Variants in OLA1 observed in about 807,000 individuals in gnomAD.
The protein encoded by OLA1 is obg-like ATPase 1.
OLA1 carries 14 observed loss-of-function variants against 48.4 expected under a neutral mutation model. The ratio of observed to expected loss-of-function variants is 0.29; its 90% confidence interval spans 0.19 to 0.45. The LOEUF (loss-of-function observed/expected upper bound fraction) is 0.45, where lower values mean the gene tolerates loss of function less well. OLA1 is among the 20% of genes least tolerant of loss of function. OLA1 has a pLI of 1.00. For missense variants in OLA1, 325 were observed against 467.1 expected (o/e 0.70, Z 2.80); for synonymous variants, 127 against 150.4 (o/e 0.84, Z 1.14).
At chr2:174,240,046 G>A (rs1688958682) in intron 2 of OLA1, 2 of 152,100 alleles carry the variant, frequency 1.3e-5, no homozygotes, top group African/African-American at 2.4e-5. Flanking sequence ...ACACTTAGGG[G>A]ATCCAAGCAG....
chr2:174,225,402 T>C (rs1487138727), intron 3 of OLA1, among the ~76,000 whole-genome samples: 3 of 151,910 alleles, frequency 2.0e-5, no homozygotes, highest in Admixed American at 1.3e-4. Context: ...AATACAAAAT[T>C]AGAAGGGTGT....
At chr2:174,118,187 G>C (rs907503455) in intron 7 of OLA1, among the ~76,000 whole-genome samples, 11 of 152,114 alleles carry the variant, frequency 7.2e-5, no homozygotes, top group Non-Finnish European at 2.9e-5. Context: ...CGGTCCAATC[G>C]TCTCATACCA....
At chr2:174,229,495 C>A (rs763106758) in intron 2 of OLA1, 44 bp from the exon 3 acceptor site, 3 of 1,473,476 alleles carry the variant, frequency 2.0e-6, no homozygotes, top group Middle Eastern at 1.8e-4. Context: ...TAGGTTAACA[C>A]CAAGAAAAAT....
chr2:174,244,207 G>C (rs1689075363), intron 2 of OLA1, among the ~76,000 whole-genome samples: 1 of 152,130 alleles, frequency 6.6e-6, no homozygotes, highest in Admixed American at 6.5e-5. Flanking sequence ...AATCCTACCT[G>C]ATACAGTTGT....
intron 4 of OLA1, among the ~76,000 whole-genome samples, chr2:174,149,755 G>C (rs1686701788): frequency 6.6e-6 from 1 of 152,060 alleles, no homozygotes; most frequent in South Asian, 2.1e-4. Flanking sequence ...GATTATAAAT[G>C]GACTGAAGAT....
At chr2:174,167,586 T>C (rs1413106132) in intron 4 of OLA1, among the ~76,000 whole-genome samples, 9 of 152,126 alleles carry the variant, frequency 5.9e-5, no homozygotes, top group Admixed American at 6.6e-5. Context: ...AAAATATACA[T>C]ATATAATCCT....
In OLA1 at chr2:174,074,020, G is replaced by A. The variant is rs1164184302; in HGVS notation, c.*1406C>T. 2.0e-5 allele frequency: 3 copies of A among 152,098 alleles called. No homozygotes were observed. The highest frequency in any genetic ancestry group is 4.4e-5 in the Non-Finnish European group (3 of 68,018). 9.4% of individuals were successfully genotyped at this position (152,098 alleles called of 1,614,324 possible). A position where few individuals can be genotyped will look rare whatever the true frequency, so the allele number is the denominator to read the frequency against. On this transcript the variant is annotated 3_prime_UTR_variant, in exon 11 of 11. Transcript: ENST00000284719. ...TGGAGAGCTTCTAAATTATACTCAC[G>A]ACTCAACCTCATCCTCTTTAAATAT...
chr2:174,247,078 G>A (rs1019152915), intron 1 of OLA1: 8 of 234,042 alleles, frequency 3.4e-5, no homozygotes, highest in African/African-American at 4.5e-5. Context: ...TTGTTGGGCC[G>A]GGCACGGTGG....
chr2:174,132,123 A>G (rs1686196938), intron 5 of OLA1, among the ~76,000 whole-genome samples: 1 of 151,864 alleles, frequency 6.6e-6, no homozygotes, highest in Non-Finnish European at 1.5e-5. Flanking sequence ...CATCTCATAT[A>G]TTTTTCAAAT....
intron 1 of OLA1, chr2:174,247,985 A>G: frequency 1.8e-6 from 1 of 545,422 alleles, no homozygotes; most frequent in Non-Finnish European, 3.2e-6. Flanking sequence ...TCCTAGGACC[A>G]CGCTGGGGCC....
chr2:174,138,525 G>C (rs955486330), intron 5 of OLA1, among the ~76,000 whole-genome samples: 11 of 152,170 alleles, frequency 7.2e-5, no homozygotes, highest in Admixed American at 7.2e-4. Flanking sequence ...TTGAAACCTT[G>C]TAAGAATTAC....
intron 10 of OLA1, 28 bp from the exon 11 acceptor site, chr2:174,075,555 G>A (rs1000736170): frequency 6.4e-6 from 9 of 1,400,628 alleles, no homozygotes; most frequent in Non-Finnish European, 9.1e-6. Context: ...AGAGGAAATG[G>A]GTTATTAGTT....
intron 4 of OLA1, among the ~76,000 whole-genome samples, chr2:174,218,447 A>C (rs1444175757): frequency 6.6e-6 from 1 of 152,186 alleles, no homozygotes; most frequent in African/African-American, 2.4e-5. Flanking sequence ...TATGTTTATT[A>C]AGTGTCAAAA....
chr2:174,129,642 G>A (rs1452241060), intron 5 of OLA1, among the ~76,000 whole-genome samples: 1 of 151,984 alleles, frequency 6.6e-6, no homozygotes, highest in Non-Finnish European at 1.5e-5. Flanking sequence ...TAGAAGGTTA[G>A]ATGCCAGACA....
chr2:174,107,089 G>A (rs1048752798), intron 7 of OLA1, among the ~76,000 whole-genome samples: 2 of 152,118 alleles, frequency 1.3e-5, no homozygotes, highest in African/African-American at 4.8e-5. Flanking sequence ...GGATGGACTA[G>A]ACAATTTGCT....
chr2:174,248,070 C>T (rs1013595241), intron 1 of OLA1: 42 of 270,464 alleles, frequency 1.6e-4, no homozygotes, highest in African/African-American at 9.0e-4. Context: ...AGCGTCCTGA[C>T]ACCTGTTCCT....
At chr2:174,110,817 A>G (rs1685631311) in intron 7 of OLA1, among the ~76,000 whole-genome samples, 1 of 152,100 alleles carries the variant, frequency 6.6e-6, no homozygotes, top group Admixed American at 6.5e-5. Flanking sequence ...CCTGGCCTCA[A>G]ATGATCCTCC....
At chr2:174,085,718 G>T (rs1222049118) in intron 7 of OLA1, among the ~76,000 whole-genome samples, 9 of 152,032 alleles carry the variant, frequency 5.9e-5, no homozygotes, top group African/African-American at 2.2e-4. Context: ...TTTTCCCAGG[G>T]TTAGTTTACA....
At chr2:174,217,570 TAC>T (rs1559010292) in intron 4 of OLA1, among the ~76,000 whole-genome samples, 3 of 152,148 alleles carry the variant, frequency 2.0e-5, no homozygotes, top group Non-Finnish European at 2.9e-5. Flanking sequence ...GCAAAAAGTG[TAC>T]AGTCAGATGT....
Sources: allele counts gnomAD v4.1 joint callset (sites outside exome capture counted in the v4.1 genomes callset), GRCh38; gene constraint gnomAD v4.1.1; transcripts MANE v1.5; gene names NCBI Gene and HGNC (gene_info 2026-07-23, HGNC 2026-07-21).